The following ESF1 variants were observed in gnomAD, a reference collection of about 807,000 sequenced individuals.
ESF1 encodes the protein ESF1 nucleolar pre-rRNA processing protein.
Under a neutral mutation model 92.0 loss-of-function variants are expected in ESF1, and 58 were observed. The observed-to-expected ratio is 0.63, with a 90% CI of 0.51 to 0.78. ESF1 has a LOEUF of 0.78. Among genes scored for constraint, ESF1 ranks in the 30% least tolerant of loss-of-function variants. The pLI, the probability that ESF1 is intolerant of heterozygous loss-of-function variation, is 0.00. For synonymous variants in ESF1, 321 were observed against 313.7 expected, an observed-to-expected ratio of 1.02 and a Z score of -0.24; for missense variants, 922 against 989.1, an observed-to-expected ratio of 0.93 and a Z score of 0.91.
At chr20:13,743,346 A>G (rs2147742812) in intron 9 of ESF1, among the ~76,000 whole-genome samples, 1 of 152,304 alleles carries the variant, frequency 6.6e-6, no homozygotes, top group Non-Finnish European at 1.5e-5. Flanking sequence ...TACAAACAGA[A>G]CTACCATAAG....
intron 9 of ESF1, among the ~76,000 whole-genome samples, chr20:13,745,416 T>C (rs1265321227): frequency 6.6e-6 from 1 of 152,352 alleles, no homozygotes; most frequent in Non-Finnish European, 1.5e-5. Flanking sequence ...TACACATATA[T>C]GGATATGGCT....
At chr20:13,722,649 A>T (rs564497798) in intron 11 of ESF1, among the ~76,000 whole-genome samples, 1 of 152,098 alleles carries the variant, frequency 6.6e-6, no homozygotes, top group East Asian at 1.9e-4. Context: ...CAGGAGTTTG[A>T]GACCAGCCTG....
intron 2 of ESF1, among the ~76,000 whole-genome samples, chr20:13,780,210 C>T (rs1980115841): frequency 6.6e-6 from 1 of 152,196 alleles, no homozygotes; most frequent in Admixed American, 6.5e-5. Context: ...ACATAAGTCA[C>T]TTTAATCTTG....
chr20:13,720,949 T>C (rs2049864161), intron 11 of ESF1, among the ~76,000 whole-genome samples: 1 of 152,134 alleles, frequency 6.6e-6, no homozygotes, highest in Non-Finnish European at 1.5e-5. Flanking sequence ...GGTGAAACTC[T>C]GTCTCTATTA....
intron 4 of ESF1, among the ~76,000 whole-genome samples, chr20:13,772,884 C>T (rs1344366463): frequency 3.3e-5 from 5 of 151,898 alleles, no homozygotes; most frequent in African/African-American, 4.8e-5. Context: ...AAGATGGTTC[C>T]GAGATCCAAA....
At chr20:13,776,860 A>T (rs1258128899) in intron 2 of ESF1, among the ~76,000 whole-genome samples, 1 of 152,226 alleles carries the variant, frequency 6.6e-6, no homozygotes, top group Non-Finnish European at 1.5e-5. Flanking sequence ...TACCTGTAAA[A>T]ATCTGCCAAT....
At chr20:13,759,579 TGCAAATATGATGTTAA>T in intron 9 of ESF1, 97 bp downstream of exon 9, 1 of 1,382,892 alleles carries the variant, frequency 7.2e-7, no homozygotes, top group South Asian at 1.4e-5. Context: ...AAATGGTGTA[TGCAAATATGATGTTAA>T]GGTCCTCACC....
chr20:13,761,833 T>C (rs1313530263), intron 8 of ESF1, among the ~76,000 whole-genome samples: 1 of 152,210 alleles, frequency 6.6e-6, no homozygotes, highest in African/African-American at 2.4e-5. Flanking sequence ...ACATTTCCAC[T>C]GCAAGTCTCC....
At chr20:13,760,399 G>T (rs1471423481) in intron 8 of ESF1, among the ~76,000 whole-genome samples, 1 of 148,388 alleles carries the variant, frequency 6.7e-6, no homozygotes, top group East Asian at 2.0e-4. Flanking sequence ...GAGCGCCTCT[G>T]CCCTGCCGCC....
chr20:13,754,545 G>GGT (rs1166624128), intron 9 of ESF1, among the ~76,000 whole-genome samples: 1 of 151,576 alleles, frequency 6.6e-6, no homozygotes. Flanking sequence ...GTCTATTTAG[G>GGT]TATCAATGGG....
intron 8 of ESF1, among the ~76,000 whole-genome samples, chr20:13,761,404 AC>A (rs1475647583): frequency 7.3e-6 from 1 of 137,520 alleles, no homozygotes; most frequent in Non-Finnish European, 1.6e-5. Flanking sequence ...AAATAAAAAT[AC>A]AAAAAATTAA....
intron 2 of ESF1, 140 bp from the exon 3 acceptor site, chr20:13,776,410 C>T (rs1293565940): frequency 4.0e-5 from 32 of 808,126 alleles, no homozygotes; most frequent in South Asian, 1.4e-4. Flanking sequence ...TCAGTAAATG[C>T]TTAGTCAATT....
intron 11 of ESF1, among the ~76,000 whole-genome samples, chr20:13,725,121 C>T (rs900706826): frequency 1.3e-5 from 2 of 152,172 alleles, no homozygotes; most frequent in Admixed American, 6.5e-5. Flanking sequence ...GCACCCTGCC[C>T]CCTCCAGTGA....
At chr20:13,741,606 G>A (rs2050014123) in intron 9 of ESF1, among the ~76,000 whole-genome samples, 1 of 151,914 alleles carries the variant, frequency 6.6e-6, no homozygotes, top group African/African-American at 2.4e-5. Context: ...TATGGCACAA[G>A]ATAAAATCAG....
intron 2 of ESF1, 103 bp from the exon 3 acceptor site, chr20:13,776,373 T>C (rs1199479067): frequency 8.9e-7 from 1 of 1,118,728 alleles, no homozygotes. Flanking sequence ...ATAATTTCTA[T>C]GAAACACAGT....
At chr20:13,730,354 G>A (rs542327381) in intron 10 of ESF1, among the ~76,000 whole-genome samples, 4 of 149,456 alleles carry the variant, frequency 2.7e-5, no homozygotes, top group Admixed American at 6.6e-5. Flanking sequence ...GATTACAGGC[G>A]TGAACCAACA....
intron 9 of ESF1, among the ~76,000 whole-genome samples, chr20:13,747,726 T>C (rs1354448098): frequency 6.7e-6 from 1 of 149,946 alleles, no homozygotes; most frequent in Admixed American, 6.7e-5. Flanking sequence ...AGGCATTTTA[T>C]TGTTGTGCAA....
chr20:13,778,753 A>G (rs967416765), intron 2 of ESF1, among the ~76,000 whole-genome samples: 2 of 152,180 alleles, frequency 1.3e-5, no homozygotes, highest in Non-Finnish European at 2.9e-5. Flanking sequence ...TATTCATTCA[A>G]TAAGTATCTG....
At chr20:13,730,673 C>T (rs911650083) in intron 10 of ESF1, among the ~76,000 whole-genome samples, 11 of 151,736 alleles carry the variant, frequency 7.2e-5, no homozygotes, top group Non-Finnish European at 1.5e-4. Flanking sequence ...CATGAGCCAC[C>T]GCACCCAGCC....
Sources: allele counts gnomAD v4.1 joint callset (sites outside exome capture counted in the v4.1 genomes callset), GRCh38; gene constraint gnomAD v4.1.1; transcripts MANE v1.5; gene names NCBI Gene and HGNC (gene_info 2026-07-23, HGNC 2026-07-21).